Variants in FAM135B observed in about 807,000 individuals in gnomAD.
FAM135B encodes the protein family with sequence similarity 135 member B.
A neutral mutation model predicts 127.7 loss-of-function variants in FAM135B; 43 were observed. That is an observed-to-expected ratio of 0.34 (90% CI 0.26 to 0.43). The LOEUF (loss-of-function observed/expected upper bound fraction) is 0.43, where lower values mean the gene tolerates loss of function less well. Among genes scored for constraint, FAM135B ranks in the 20% least tolerant of loss-of-function variants. The pLI is 1.00. For synonymous variants in FAM135B, 670 were observed against 665.1 expected (o/e 1.01, Z -0.11); for missense variants, 1,558 against 1,725.6 (o/e 0.90, Z 1.72).
At chr8:138,464,267 T>C (rs1289935183) in intron 1 of FAM135B, among the ~76,000 whole-genome samples, 1 of 152,138 alleles carries the variant, frequency 6.6e-6, no homozygotes, top group African/African-American at 2.4e-5. Context: ...ATGCTCAGGA[T>C]AGATTCTTCA....
At chr8:138,155,305 T>C (rs1282972146) in intron 12 of FAM135B, among the ~76,000 whole-genome samples, 2 of 152,094 alleles carry the variant, frequency 1.3e-5, no homozygotes, top group Non-Finnish European at 2.9e-5. Flanking sequence ...GCACTAAACA[T>C]GGAAAGGAAC....
At chr8:138,362,238 C>T (rs1209503712) in intron 2 of FAM135B, among the ~76,000 whole-genome samples, 1 of 150,452 alleles carries the variant, frequency 6.6e-6, no homozygotes, top group Non-Finnish European at 1.5e-5. Context: ...CTTTTATACC[C>T]ATTAACCAGC....
intron 1 of FAM135B, among the ~76,000 whole-genome samples, chr8:138,456,093 A>G (rs1836762551): frequency 1.3e-5 from 2 of 152,234 alleles, no homozygotes; most frequent in Non-Finnish European, 2.9e-5. Context: ...TGAAAGACTG[A>G]GTGAACAAGT....
chr8:138,148,074 C>T (rs1817803088), intron 14 of FAM135B, among the ~76,000 whole-genome samples: 1 of 152,166 alleles, frequency 6.6e-6, no homozygotes, highest in Non-Finnish European at 1.5e-5. Flanking sequence ...TTCTCCATTT[C>T]TTCCTTTATT....
At chr8:138,319,077 A>G (rs968630531) in intron 2 of FAM135B, among the ~76,000 whole-genome samples, 1 of 57,024 alleles carries the variant, frequency 1.8e-5, no homozygotes, top group Non-Finnish European at 3.6e-5. Context: ...TCAGTAAGTA[A>G]ATCTACAAGT....
intron 1 of FAM135B, among the ~76,000 whole-genome samples, chr8:138,460,171 T>C (rs1454616243): frequency 4.6e-5 from 7 of 152,224 alleles, no homozygotes; most frequent in African/African-American, 1.7e-4. Context: ...TCACATTTAT[T>C]ACTAGAAGGC....
At chr8:138,408,837 C>A (rs112640865) in intron 1 of FAM135B, among the ~76,000 whole-genome samples, 1 of 152,196 alleles carries the variant, frequency 6.6e-6, no homozygotes, top group East Asian at 1.9e-4. Context: ...TCTCTTGACA[C>A]GTGGGGTTAC....
chr8:138,202,040 G>A (rs1000455466), intron 7 of FAM135B, among the ~76,000 whole-genome samples: 10 of 149,052 alleles, frequency 6.7e-5, no homozygotes, highest in Middle Eastern at 3.5e-3. Context: ...CAGGAGAATC[G>A]CTTGAACCTG....
intron 3 of FAM135B, among the ~76,000 whole-genome samples, chr8:138,278,995 C>A (rs1302609477): frequency 6.6e-6 from 1 of 152,140 alleles, no homozygotes. Context: ...CATGCCAAAT[C>A]TAAGCTTCTT....
In FAM135B at chr8:138,141,921, T is replaced by TTGAGAGCC. The variant is rs1449666259; in HGVS notation, c.3639-580_3639-573dup. 6.6e-6 allele frequency among the ~76,000 whole-genome samples: 1 copy of TTGAGAGCC among 152,174 alleles called. No individual in the cohort carries two copies. Among genetic ancestry groups the TTGAGAGCC allele is most frequent in the East Asian group, 1.9e-4 (1 of 5,192 alleles). On this transcript the variant is annotated intron_variant, in intron 16 of 19. Coordinates refer to ENST00000395297, the MANE Select transcript of FAM135B (RefSeq NM_015912.4). The surrounding 1 kb of genome is among the most constrained non-coding windows in gnomAD (Gnocchi z 4.7). ...TATTCTCAAGTTAAATACTTATTTA[T>TTGAGAGCC]TGAGAGCCTATTATATGAGAGGCTA... is the stretch of plus-strand genomic sequence containing the variant.
At chr8:138,300,916 A>G (rs940507510) in intron 3 of FAM135B, among the ~76,000 whole-genome samples, 1 of 151,850 alleles carries the variant, frequency 6.6e-6, no homozygotes, top group Non-Finnish European at 1.5e-5. Flanking sequence ...ACGCCCAGCT[A>G]ATTTTTTGTA....
rs1324435662 is a variant in FAM135B at position 138,151,388 on chromosome 8, C to A, written c.3087G>T (p.Glu1029Asp). Reference sequence around the variant, plus strand: ...TGCAAGACACAGATAAGTTCACAACCTCCACAGCCTTCAGGCTGTCCAGAG... The same window carrying A: ...TGCAAGACACAGATAAGTTCACAACATCCACAGCCTTCAGGCTGTCCAGAG... The part of the protein sequence containing the change: ...TFTLDSLKAV[E>D]VVNLSVSCTA... Residue 1029 changes from glutamate (E) to aspartate (D), a missense_variant, in exon 13 of 20, where the codon GAG (glutamate) becomes GAT (aspartate). Physicochemically the swap from Glu to Asp is conservative, Grantham distance 45. Coordinates refer to ENST00000395297, the MANE Select transcript of FAM135B (RefSeq NM_015912.4). 2 of 1,613,676 alleles carry A rather than the reference C, an allele frequency of 1.2e-6. No individual in the cohort carries two copies. Among genetic ancestry groups the A allele is most frequent in the East Asian group, 2.2e-5 (1 of 44,870 alleles).
intron 1 of FAM135B, among the ~76,000 whole-genome samples, chr8:138,468,635 C>T (rs1010923965): frequency 1.3e-5 from 2 of 152,212 alleles, no homozygotes; most frequent in Non-Finnish European, 2.9e-5. Context: ...CAGCTCTAAC[C>T]AGAGAGCCTC....
At chr8:138,291,139 T>A (rs1265243482) in intron 3 of FAM135B, among the ~76,000 whole-genome samples, 2 of 152,204 alleles carry the variant, frequency 1.3e-5, no homozygotes, top group African/African-American at 4.8e-5. Flanking sequence ...CAGAGCTAGC[T>A]GACAATAGCC....
At chr8:138,446,042 C>T (rs1453394714) in intron 1 of FAM135B, among the ~76,000 whole-genome samples, 1 of 152,152 alleles carries the variant, frequency 6.6e-6, no homozygotes, top group Admixed American at 6.5e-5. Context: ...CATGAATGAA[C>T]TCCCATTCAC....
intron 14 of FAM135B, among the ~76,000 whole-genome samples, chr8:138,146,602 G>A (rs1374575433): frequency 6.6e-6 from 1 of 152,098 alleles, no homozygotes; most frequent in Non-Finnish European, 1.5e-5. Context: ...CGGAGGCACA[G>A]CAGTGGCCAT....
intron 8 of FAM135B, among the ~76,000 whole-genome samples, chr8:138,196,785 T>G (rs867468996): frequency 4.6e-5 from 7 of 152,168 alleles, no homozygotes; most frequent in Admixed American, 1.3e-4. Flanking sequence ...ATCACCTATT[T>G]TTACTGAGTG....
In FAM135B at chr8:138,321,739, T is replaced by C. The variant is rs7827355; in HGVS notation, c.78-10819A>G. On this transcript the variant is annotated intron_variant, in intron 2 of 19. Coordinates refer to ENST00000395297, the MANE Select transcript of FAM135B (RefSeq NM_015912.4). The stretch of plus-strand genomic sequence containing the variant: ...AAGTATTGAGTCTAAATGAGTGCTT[T>C]TAATAATAGGTATAATAAAAACAAT... 8.7e-3 allele frequency among the ~76,000 whole-genome samples: 1,327 copies of C among 152,304 alleles called. 23 individuals are homozygous for C. The highest frequency in any genetic ancestry group is 0.031 in the African/African-American group (1,275 of 41,560).
At chr8:138,357,116 A>C (rs1172712787) in intron 2 of FAM135B, among the ~76,000 whole-genome samples, 1 of 152,072 alleles carries the variant, frequency 6.6e-6, no homozygotes, top group Non-Finnish European at 1.5e-5. Flanking sequence ...TTTAGAGCAT[A>C]TTATTTATAT....
Sources: allele counts gnomAD v4.1 joint callset (sites outside exome capture counted in the v4.1 genomes callset), GRCh38; gene constraint gnomAD v4.1.1; non-coding constraint Gnocchi (gnomAD v3.1); transcripts MANE v1.5; gene names NCBI Gene and HGNC (gene_info 2026-07-23, HGNC 2026-07-21).